The following FIP1L1 variants were observed in gnomAD, a reference collection of about 807,000 sequenced individuals.
FIP1L1 encodes factor interacting with PAPOLA and CPSF1.
In FIP1L1, 21 loss-of-function variants were observed where a neutral mutation model predicts 84.6. The ratio of observed to expected loss-of-function variants is 0.25; its 90% confidence interval spans 0.18 to 0.36. The LOEUF (loss-of-function observed/expected upper bound fraction) is 0.36, where lower values mean the gene tolerates loss of function less well. FIP1L1 is among the 10% of genes least tolerant of loss of function. The pLI is 1.00. For synonymous variants in FIP1L1, 263 were observed against 242.3 expected (o/e 1.09, Z -0.80); for missense variants, 526 against 751.1 (o/e 0.70, Z 3.50).
chr4:53,414,790 G>C (rs557124544), intron 11 of FIP1L1, 68 bp downstream of exon 11: 1 of 1,002,640 alleles, frequency 1.0e-6, no homozygotes, highest in South Asian at 1.5e-5. Flanking sequence ...TGCCTTATTA[G>C]TAAGATAATA....
intron 9 of FIP1L1, among the ~76,000 whole-genome samples, chr4:53,393,578 G>C (rs1283723480): frequency 2.0e-5 from 3 of 151,732 alleles, no homozygotes; most frequent in African/African-American, 7.3e-5. Flanking sequence ...AAATTTAATA[G>C]GTATAAAAAT....
chr4:53,449,072 T>C (rs767749758), intron 15 of FIP1L1, among the ~76,000 whole-genome samples: 1 of 152,138 alleles, frequency 6.6e-6, no homozygotes, highest in Admixed American at 6.5e-5. Flanking sequence ...TTGCTCCTTT[T>C]TTTTTCAGAT....
intron 13 of FIP1L1, among the ~76,000 whole-genome samples, chr4:53,435,231 T>G (rs1375221024): frequency 1.3e-5 from 2 of 152,210 alleles, no homozygotes; most frequent in Admixed American, 1.3e-4. Context: ...CAATTAAAAT[T>G]TATTTAAATG....
chr4:53,397,676 C>T (rs1176081651), intron 9 of FIP1L1, among the ~76,000 whole-genome samples: 2 of 152,158 alleles, frequency 1.3e-5, no homozygotes, highest in East Asian at 1.9e-4. Context: ...AATGACAAAC[C>T]TCAGAGTACT....
intron 13 of FIP1L1, among the ~76,000 whole-genome samples, chr4:53,436,892 T>C (rs769974651): frequency 1.3e-5 from 2 of 152,128 alleles, no homozygotes; most frequent in African/African-American, 4.8e-5. Flanking sequence ...GTATGTGTTA[T>C]ATGCTGGAAA....
Position 53,434,889 on chromosome 4 carries a change from T to A in FIP1L1, c.1174+6706T>A, listed in dbSNP as rs113501452. ...GCTTTGGCAGAAGCTTGGCCTGTAT[T>A]GGATGAATATTATCAGTGCCCTTGA... On this transcript the variant is annotated intron_variant, in intron 13 of 17. Transcript: ENST00000337488. 8.7e-3 allele frequency among the ~76,000 whole-genome samples: 1,330 copies of A among 152,318 alleles called. 23 individuals are homozygous for A. The highest frequency in any genetic ancestry group is 0.03 in the African/African-American group (1,257 of 41,572).
Position 53,453,020 on chromosome 4 carries a change from T to TAGAGAG in FIP1L1, c.1392_1397dup (p.Glu464_Arg465dup). On this transcript the variant is annotated inframe_insertion, in exon 16 of 18. Transcript: ENST00000337488. ...ATGCCAGAAGAGAGAAAGACCGAGA[T>TAGAGAG]AGAGAGAGAGACAGAGACAGAGAGC... The TAGAGAG allele has an allele frequency of 1.2e-6, 2 of 1,612,622 alleles. No homozygotes were observed. Among genetic ancestry groups the TAGAGAG allele is most frequent in the Non-Finnish European group, 1.7e-6 (2 of 1,179,298 alleles).
intron 9 of FIP1L1, 77 bp from the exon 10 acceptor site, chr4:53,399,653 C>T: frequency 1.1e-6 from 1 of 894,988 alleles, no homozygotes; most frequent in East Asian, 2.4e-5. Flanking sequence ...ATGTTGTAAA[C>T]TTATTTTAAC....
intron 9 of FIP1L1, among the ~76,000 whole-genome samples, chr4:53,392,302 G>A (rs1744657029): frequency 6.6e-6 from 1 of 152,232 alleles, no homozygotes; most frequent in South Asian, 2.1e-4. Flanking sequence ...TTAGTGGACT[G>A]GAAAGAGACC....
intron 10 of FIP1L1, among the ~76,000 whole-genome samples, chr4:53,402,646 G>T (rs1750894948): frequency 1.3e-5 from 2 of 152,192 alleles, no homozygotes; most frequent in Admixed American, 1.3e-4. Flanking sequence ...AGGTTGCAGT[G>T]AGCCAAGATC....
At chr4:53,435,102 ACTGTATTTATT>A (rs879485336) in intron 13 of FIP1L1, among the ~76,000 whole-genome samples, 1 of 152,142 alleles carries the variant, frequency 6.6e-6, no homozygotes, top group Non-Finnish European at 1.5e-5. Flanking sequence ...GTTTTTGAAA[ACTGTATTTATT>A]CTTGTGTTTT....
intron 9 of FIP1L1, among the ~76,000 whole-genome samples, chr4:53,393,675 A>G (rs1745522422): frequency 6.6e-6 from 1 of 151,964 alleles, no homozygotes; most frequent in Non-Finnish European, 1.5e-5. Context: ...GGGAATAGAT[A>G]ACATGTATGT....
rs1749171673 is a variant in FIP1L1, at chr4:53,399,574, G to C, written c.706-156G>C. On this transcript the variant is annotated intron_variant, in intron 9 of 17. Transcript: ENST00000337488. ...TCTTTGGTGCCTTTCACCTAATACT[G>C]TTCTAAAATAGGCTAATTTTAATAA... Among the ~76,000 whole-genome samples the C allele has an allele frequency of 2.0e-5, 3 of 152,190 alleles. No individual in the cohort carries two copies. The South Asian group carries it at 6.2e-4, about 32-fold the overall frequency.
intron 9 of FIP1L1, among the ~76,000 whole-genome samples, chr4:53,398,722 G>A (rs1256059431): frequency 6.6e-6 from 1 of 152,204 alleles, no homozygotes; most frequent in African/African-American, 2.4e-5. Flanking sequence ...AAAAGCAGAA[G>A]AGCATAAAGA....
At position 53,457,261 on chromosome 4, in the gene FIP1L1, T is replaced by G. The variant is rs555372891; in HGVS notation, c.1500-1392T>G. Among the ~76,000 whole-genome samples, 12 of 152,214 alleles carry G rather than the reference T, an allele frequency of 7.9e-5. No individual in the cohort carries two copies. The South Asian group carries it at 1.0e-3, about 13-fold the overall frequency. On this transcript the variant is annotated intron_variant, in intron 16 of 17. Transcript: ENST00000337488. ...CATTTAGTAAGTGGCAAAATCAGGA[T>G]GTGATCCTGTGTGTACTCCACTTGT... is the stretch of plus-strand genomic sequence containing the variant.
intron 5 of FIP1L1, among the ~76,000 whole-genome samples, chr4:53,389,084 T>A (rs1487279330): frequency 6.6e-6 from 1 of 152,242 alleles, no homozygotes; most frequent in African/African-American, 2.4e-5. Context: ...CCTAGAAGTT[T>A]CTCTCATTTT....
chr4:53,383,638 G>T (rs1369679399), intron 4 of FIP1L1, 135 bp from the exon 5 acceptor site: 7 of 808,480 alleles, frequency 8.7e-6, no homozygotes, highest in Non-Finnish European at 1.1e-5. Context: ...CTCAAGCCGG[G>T]GCGACAAAGT....
intron 9 of FIP1L1, among the ~76,000 whole-genome samples, chr4:53,395,815 G>A (rs1746938710): frequency 6.6e-6 from 1 of 151,914 alleles, no homozygotes; most frequent in African/African-American, 2.4e-5. Context: ...AGCATCACAG[G>A]GTTGAAAAGC....
At chr4:53,395,110 C>T (rs910937201) in intron 9 of FIP1L1, among the ~76,000 whole-genome samples, 1 of 152,018 alleles carries the variant, frequency 6.6e-6, no homozygotes, top group Admixed American at 6.6e-5. Flanking sequence ...GATATTAGGT[C>T]ATGTGAAATA....
Sources: allele counts gnomAD v4.1 joint callset (sites outside exome capture counted in the v4.1 genomes callset), GRCh38; gene constraint gnomAD v4.1.1; transcripts MANE v1.5; gene names NCBI Gene and HGNC (gene_info 2026-07-23, HGNC 2026-07-21).